The following GJD2 variants were observed in gnomAD, a reference collection of about 807,000 sequenced individuals.
GJD2 encodes gap junction delta-2 protein.
GJD2 carries 12 observed loss-of-function variants against 24.3 expected under a neutral mutation model. The ratio of observed to expected loss-of-function variants is 0.49; its 90% CI spans 0.32 to 0.80. GJD2 has a LOEUF of 0.80. Ranked by LOEUF, GJD2 falls within the 30% of genes least tolerant of loss-of-function variation. The pLI, the probability that GJD2 is intolerant of heterozygous loss-of-function variation, is 0.04. For synonymous variants in GJD2, 171 were observed against 155.2 expected, an observed-to-expected ratio of 1.10 and a Z score of -0.76; for missense variants, 268 against 402.4, an observed-to-expected ratio of 0.67 and a Z score of 2.86.
Position 34,754,988 on chromosome 15 carries a change from C to T in GJD2, c.-500G>A, listed in dbSNP as rs193057189. 6.5e-6 allele frequency: 1 copy of T among 153,008 alleles called. No individual in the cohort carries two copies. The highest frequency in any genetic ancestry group is 1.5e-5 in the Non-Finnish European group (1 of 68,638). The allele number at this position is 153,008 out of a possible 1,614,324, so 9.5% of individuals were successfully genotyped here. A position where few individuals can be genotyped will look rare whatever the true frequency, so the allele number is the denominator to read the frequency against. ...AGCGCGCGGAGCCGAATGCTGGGCT[C>T]GGGGATCCGCGGCCGCCGCCTCTAA... On this transcript the variant is annotated 5_prime_UTR_variant, in exon 1 of 2. Transcript: ENST00000290374. The surrounding 1 kb of genome is among the most constrained non-coding windows in gnomAD (Gnocchi z 5.9).
chr15:34,753,192 T>G lies in GJD2; in HGVS notation c.252A>C (p.Ile84=). Residue 84 remains isoleucine, a synonymous_variant, in exon 2 of 2, where the codon ATA becomes ATC. Transcript: ENST00000290374. ...SHIRYWVFQI[I]MVCTPSLCFI... ...AGCAAAGACTGGGGGTACACACCAT[T>G]ATGATCTGGAAGACCCAGTAACGTA... 1 of 1,614,016 alleles carries G rather than the reference T, an allele frequency of 6.2e-7. No individual in the cohort carries two copies. The highest frequency in any genetic ancestry group is 8.5e-7 in the Non-Finnish European group (1 of 1,179,984).
rs940409373 is a variant in GJD2 at position 34,754,236 on chromosome 15, G to T, written c.71+182C>A. 6.6e-6 allele frequency among the ~76,000 whole-genome samples: 1 copy of T among 152,164 alleles called. No individual in the cohort carries two copies. Among genetic ancestry groups the T allele is most frequent in the Non-Finnish European group, 1.5e-5 (1 of 68,036 alleles). ...GCTGGTTAGGAGTAGCTAGAGGAGG[G>T]GGGCATCGCGGGGCGTCGGGTAATC... is the stretch of plus-strand genomic sequence containing the variant. On this transcript the variant is annotated intron_variant, in intron 1 of 1. Coordinates refer to ENST00000290374, the MANE Select transcript of GJD2 (RefSeq NM_020660.3). The surrounding 1 kb of genome is among the most constrained non-coding windows in gnomAD (Gnocchi z 5.9).
chr15:34,752,004 G>A lies in GJD2; in HGVS notation c.*474C>T, dbSNP rs1891111131. 2 of 143,070 alleles carry A rather than the reference G, an allele frequency of 1.4e-5. No homozygotes were observed. Among genetic ancestry groups the A allele is most frequent in the East Asian group, 2.0e-4 (1 of 5,008 alleles). 8.9% of individuals were successfully genotyped at this position (143,070 alleles called of 1,614,324 possible). On this transcript the variant is annotated 3_prime_UTR_variant, in exon 2 of 2. Transcript: ENST00000290374. ...AAGCTGGCATGCTATTTTGGATTGA[G>A]GGAAAGGGGCATGCTGGTGGGGGAG... is the stretch of plus-strand genomic sequence containing the variant.
rs2140414053 is a variant in GJD2, at chr15:34,752,796, G to A, written c.648C>T (p.Gly216=). The A allele has an allele frequency of 6.2e-7, 1 of 1,614,094 alleles. No individual in the cohort carries two copies. Among genetic ancestry groups the A allele is most frequent in the East Asian group, 2.2e-5 (1 of 44,884 alleles). ...RNALEIGFLV[G]QYFLYGFSVP... ...CACTAAAGCCATAGAGAAAATATTGGCCAACCAGGAACCCAATTTCCAGGG... is the reference window on the plus strand; with the variant it reads ...CACTAAAGCCATAGAGAAAATATTGACCAACCAGGAACCCAATTTCCAGGG... The change falls in exon 2 of 2, where the codon GGC becomes GGT. Residue 216 remains glycine, a synonymous_variant. Transcript: ENST00000290374.
rs1051409441 is a variant in GJD2, at chr15:34,753,385, AGAGG to A, written c.72-17_72-14del. ...AGTCAACAGGATCCTGAACGGAGGA[AGAGG>A]GAGGGAGAGAGGTTCTCACGGGCTG... On this transcript the variant is annotated splice_polypyrimidine_tract_variant and intron_variant, in intron 1 of 1. Transcript: ENST00000290374. 1.3e-6 allele frequency: 2 copies of A among 1,576,320 alleles called. No individual in the cohort carries two copies. The highest frequency in any genetic ancestry group is 1.7e-5 in the Admixed American group (1 of 59,140).
chr15:34,751,925 A>G lies in GJD2; in HGVS notation c.*553T>C, dbSNP rs1891107794. 7.0e-6 allele frequency: 1 copy of G among 142,404 alleles called. No individual in the cohort carries two copies. The highest frequency in any genetic ancestry group is 2.6e-5 in the African/African-American group (1 of 38,236). 8.8% of individuals were successfully genotyped at this position (142,404 alleles called of 1,614,324 possible). Reference sequence around the variant, plus strand: ...TTCCCTCTAAGTTTGCAAATAAAACATATTAGGTCTAATGTAAGGCCAGAT... The same window carrying G: ...TTCCCTCTAAGTTTGCAAATAAAACGTATTAGGTCTAATGTAAGGCCAGAT... On this transcript the variant is annotated 3_prime_UTR_variant, in exon 2 of 2. Coordinates refer to ENST00000290374, the MANE Select transcript of GJD2 (RefSeq NM_020660.3).
rs1420160606 is a variant in GJD2 at position 34,751,985 on chromosome 15, G to A, written c.*493C>T. The A allele has an allele frequency of 2.7e-5, 2 of 75,336 alleles. No individual in the cohort carries two copies. The highest frequency in any genetic ancestry group is 1.2e-4 in the African/African-American group (2 of 16,492). 4.7% of individuals were successfully genotyped at this position (75,336 alleles called of 1,614,324 possible). A position where few individuals can be genotyped will look rare whatever the true frequency, so the allele number is the denominator to read the frequency against. On this transcript the variant is annotated 3_prime_UTR_variant, in exon 2 of 2. Transcript: ENST00000290374. ...AAAAAAAAAAAAAAAAAAAAAGCTGGCATGCTATTTTGGATTGAGGGAAAG... is the reference window on the plus strand; with the variant it reads ...AAAAAAAAAAAAAAAAAAAAAGCTGACATGCTATTTTGGATTGAGGGAAAG...
rs780972179 is a variant in GJD2, at chr15:34,752,458, C to A, written c.*20G>T. 19 of 1,605,364 alleles carry A rather than the reference C, an allele frequency of 1.2e-5. No homozygotes were observed. The South Asian group carries it at 1.8e-4, about 15-fold the overall frequency. On this transcript the variant is annotated 3_prime_UTR_variant, in exon 2 of 2. Coordinates refer to ENST00000290374, the MANE Select transcript of GJD2 (RefSeq NM_020660.3). ...TTGGGGCTCCTTGCCATCCCCCAGA[C>A]CTTCATGAAACCTGCCCTCTCACAC... is the stretch of plus-strand genomic sequence containing the variant.
Position 34,752,364 on chromosome 15 carries a change from TC to T in GJD2, c.*113del. 1 of 860,234 alleles carries T rather than the reference TC, an allele frequency of 1.2e-6. No homozygotes were observed. The highest frequency in any genetic ancestry group is 1.7e-5 in the South Asian group (1 of 57,186). The allele number at this position is 860,234 out of a possible 1,614,324, so 53.3% of individuals were successfully genotyped here. A position where few individuals can be genotyped will look rare whatever the true frequency, so the allele number is the denominator to read the frequency against. The stretch of plus-strand genomic sequence containing the variant: ...CAAAATCTTCTTTTATCCAGTCTTA[TC>T]CTACATCTTAATGGTGAGGGTCACA... On this transcript the variant is annotated 3_prime_UTR_variant, in exon 2 of 2. Transcript: ENST00000290374.
At position 34,754,370 on chromosome 15, in the gene GJD2, C is replaced by T. The variant is rs748720896; in HGVS notation, c.71+48G>A. On this transcript the variant is annotated intron_variant, in intron 1 of 1. Transcript: ENST00000290374. This position sits in a 1 kb window ranked among gnomAD's most constrained non-coding sequence, Gnocchi z 5.9. The stretch of plus-strand genomic sequence containing the variant: ...CAGTCCAGGTGTGAGAAGGGACTCC[C>T]GGGGGCCGCCCGACGGGGCCCCCTG... The T allele has an allele frequency of 7.2e-7, 1 of 1,383,706 alleles. No individual in the cohort carries two copies. Among genetic ancestry groups the T allele is most frequent in the Non-Finnish European group, 1.0e-6 (1 of 971,454 alleles). The allele number at this position is 1,383,706 out of a possible 1,614,324, so 85.7% of individuals were successfully genotyped here.
chr15:34,753,304 T>C lies in GJD2; in HGVS notation c.140A>G (p.Asp47Gly). 1 of 1,613,238 alleles carries C rather than the reference T, an allele frequency of 6.2e-7. No homozygotes were observed. The highest frequency in any genetic ancestry group is 1.1e-5 in the South Asian group (1 of 91,072). The change falls in exon 2 of 2, where the codon GAT becomes GGT. Residue 47 changes from aspartate to glycine, a missense_variant. Asp to Gly is a moderately conservative substitution (Grantham distance 94, BLOSUM62 -1). Coordinates refer to ENST00000290374, the MANE Select transcript of GJD2 (RefSeq NM_020660.3). ...IVAIVGETVY[D>G]DEQTMFVCNT... ...GCACACAAACATGGTCTGCTCATCA[T>C]CGTACACCGTCTCCCCCACAATGGC... is the stretch of plus-strand genomic sequence containing the variant.
chr15:34,754,521 G>A lies in GJD2; in HGVS notation c.-33C>T, dbSNP rs369001020. Reference sequence around the variant, plus strand: ...CATCCGGAGGCAGCAGACAAAGACTGGGCAGCACCGGGCACGTTCCCGCTC... The same window carrying A: ...CATCCGGAGGCAGCAGACAAAGACTAGGCAGCACCGGGCACGTTCCCGCTC... On this transcript the variant is annotated 5_prime_UTR_variant, in exon 1 of 2. Coordinates refer to ENST00000290374, the MANE Select transcript of GJD2 (RefSeq NM_020660.3). The surrounding 1 kb of genome is among the most constrained non-coding windows in gnomAD (Gnocchi z 5.9). 6.4e-7 allele frequency: 1 copy of A among 1,555,256 alleles called. No homozygotes were observed. Among genetic ancestry groups the A allele is most frequent in the African/African-American group, 1.4e-5 (1 of 73,780 alleles).
At position 34,751,604 on chromosome 15, in the gene GJD2, A is replaced by C. The variant is rs1329642000; in HGVS notation, c.*874T>G. On this transcript the variant is annotated 3_prime_UTR_variant, in exon 2 of 2. Transcript: ENST00000290374. ...TAGACACTCTTGATATTAGCCAAAA[A>C]AAATCTTTTTAATGTTAACCAAAGT... 6.6e-6 allele frequency: 1 copy of C among 152,196 alleles called. No individual in the cohort carries two copies. The highest frequency in any genetic ancestry group is 2.4e-5 in the African/African-American group (1 of 41,442). The allele number at this position is 152,196 out of a possible 1,614,324, so 9.4% of individuals were successfully genotyped here. A position where few individuals can be genotyped will look rare whatever the true frequency, so the allele number is the denominator to read the frequency against.
Position 34,752,945 on chromosome 15 carries a change from C to A in GJD2, c.499G>T (p.Asp167Tyr). 1.2e-6 allele frequency: 2 copies of A among 1,614,160 alleles called. No individual in the cohort carries two copies. Among genetic ancestry groups the A allele is most frequent in the South Asian group, 1.1e-5 (1 of 91,076 alleles). ...GTCAGCTCCTTAACCTCTAAACAAT[C>A]TGGCTCTGTCTCCTTACTGGTGTTC... ...TENTSKETEP[D>Y]CLEVKELTPH... is the part of the protein sequence containing the mutation. The change falls in exon 2 of 2, where the codon GAT (aspartate) becomes TAT (tyrosine). Residue 167 changes from aspartate (D) to tyrosine (Y), a missense_variant. By Grantham distance (160) the Asp-to-Tyr change is radical. Coordinates refer to ENST00000290374, the MANE Select transcript of GJD2 (RefSeq NM_020660.3).
At position 34,754,579 on chromosome 15, in the gene GJD2, G is replaced by T; in HGVS notation, c.-91C>A. ...CTCCCCGGGCCGCACTTCCAGAATGGGAGTGAATTGCCTCCCAATTAAAGA... is the reference window on the plus strand; with the variant it reads ...CTCCCCGGGCCGCACTTCCAGAATGTGAGTGAATTGCCTCCCAATTAAAGA... On this transcript the variant is annotated 5_prime_UTR_variant, in exon 1 of 2. Transcript: ENST00000290374. This position sits in a 1 kb window ranked among gnomAD's most constrained non-coding sequence, Gnocchi z 5.9. The T allele has an allele frequency of 1.0e-6, 1 of 960,742 alleles. No individual in the cohort carries two copies. The highest frequency in any genetic ancestry group is 1.7e-6 in the Non-Finnish European group (1 of 593,696). The allele number at this position is 960,742 out of a possible 1,614,324, so 59.5% of individuals were successfully genotyped here.
In GJD2 at chr15:34,754,009, G is replaced by T. The variant is rs1367151293; in HGVS notation, c.71+409C>A. 6.6e-6 allele frequency among the ~76,000 whole-genome samples: 1 copy of T among 152,166 alleles called. No individual in the cohort carries two copies. The highest frequency in any genetic ancestry group is 2.4e-5 in the African/African-American group (1 of 41,434). On this transcript the variant is annotated intron_variant, in intron 1 of 1. Transcript: ENST00000290374. The surrounding 1 kb of genome is among the most constrained non-coding windows in gnomAD (Gnocchi z 5.9). Reference sequence around the variant, plus strand: ...TTATTTGTTGAGAAAAGAGGCATCTGCTCTGAAGAGCAAATCCATCTCCCC... The same window carrying T: ...TTATTTGTTGAGAAAAGAGGCATCTTCTCTGAAGAGCAAATCCATCTCCCC...
Position 34,754,240 on chromosome 15 carries a change from C to T in GJD2, c.71+178G>A, listed in dbSNP as rs191135198. 3.0e-4 allele frequency among the ~76,000 whole-genome samples: 45 copies of T among 152,268 alleles called. No individual in the cohort carries two copies. Among genetic ancestry groups the T allele is most frequent in the African/African-American group, 9.4e-4 (39 of 41,562 alleles). ...GTTAGGAGTAGCTAGAGGAGGGGGGCATCGCGGGGCGTCGGGTAATCCCTC... is the reference window on the plus strand; with the variant it reads ...GTTAGGAGTAGCTAGAGGAGGGGGGTATCGCGGGGCGTCGGGTAATCCCTC... On this transcript the variant is annotated intron_variant, in intron 1 of 1. Transcript: ENST00000290374. This position sits in a 1 kb window ranked among gnomAD's most constrained non-coding sequence, Gnocchi z 5.9.
chr15:34,752,437 G>A lies in GJD2; in HGVS notation c.*41C>T. The A allele has an allele frequency of 6.4e-7, 1 of 1,562,230 alleles. No individual in the cohort carries two copies. Among genetic ancestry groups the A allele is most frequent in the Non-Finnish European group, 8.8e-7 (1 of 1,142,834 alleles). On this transcript the variant is annotated 3_prime_UTR_variant, in exon 2 of 2. Transcript: ENST00000290374. ...ACGTCTGAGCAGTCATCTGCCTTGGGGCTCCTTGCCATCCCCCAGACCTTC... is the reference window on the plus strand; with the variant it reads ...ACGTCTGAGCAGTCATCTGCCTTGGAGCTCCTTGCCATCCCCCAGACCTTC...
chr15:34,753,005 T>G lies in GJD2; in HGVS notation c.439A>C (p.Asn147His). 6.2e-7 allele frequency: 1 copy of G among 1,614,072 alleles called. No homozygotes were observed. The highest frequency in any genetic ancestry group is 1.1e-5 in the South Asian group (1 of 91,074). ...TGCAGCACCCCATTCACAATAGCAT[T>G]TTGCAACTTCTTATCTTCTCGTTTG... Reference protein sequence around the residue: ...GGKREDKKLQNAIVNGVLQNT... With the variant: ...GGKREDKKLQHAIVNGVLQNT... The change falls in exon 2 of 2, where the codon AAT becomes CAT. Residue 147 changes from asparagine to histidine, a missense_variant. Asn to His is a moderately conservative substitution (Grantham distance 68, BLOSUM62 1). This residue lies in a region of GJD2 where 87 missense variants were observed against 77.8 expected (regional missense o/e 1.12). Transcript: ENST00000290374.
Sources: allele counts gnomAD v4.1 joint callset (sites outside exome capture counted in the v4.1 genomes callset), GRCh38; gene constraint gnomAD v4.1.1; regional missense constraint gnomAD v4.1.1; non-coding constraint Gnocchi (gnomAD v3.1); transcripts MANE v1.5; gene names NCBI Gene and HGNC (gene_info 2026-07-23, HGNC 2026-07-21).